LRRC4C: variants seen among roughly 807,000 people sequenced by gnomAD.
The protein encoded by LRRC4C is leucine-rich repeat-containing protein 4C.
LRRC4C carries 5 observed loss-of-function variants against 33.6 expected under a neutral mutation model. That is an observed-to-expected ratio of 0.15 (90% CI 0.08 to 0.31). The LOEUF (loss-of-function observed/expected upper bound fraction) is 0.31, where lower values mean the gene tolerates loss of function less well. LRRC4C is among the 10% of genes least tolerant of loss of function. The probability of loss-of-function intolerance (pLI) is 1.00; values close to 1 mark genes in which losing one functional copy is unlikely to be tolerated. For synonymous variants in LRRC4C, 329 were observed against 302.0 expected (o/e 1.09, Z -0.93); for missense variants, 560 against 796.7 (o/e 0.70, Z 3.58).
chr11:41,280,357 C>CAA (rs35120801), intron 1 of LRRC4C, among the ~76,000 whole-genome samples: 35,880 of 151,892 alleles, frequency 0.24, 4,999 homozygotes, highest in African/African-American at 0.39. Context: ...TAGTCCAAAC[C>CAA]AAGGAGGGAA....
chr11:40,468,929 GTTCTGTCACACATTA>G (rs1952787265), intron 3 of LRRC4C, among the ~76,000 whole-genome samples: 1 of 152,138 alleles, frequency 6.6e-6, no homozygotes, highest in African/African-American at 2.4e-5. Flanking sequence ...TAAAAAGTGT[GTTCTGTCACACATTA>G]TTCTTATCTG....
intron 3 of LRRC4C, among the ~76,000 whole-genome samples, chr11:40,609,973 A>G (rs750484896): frequency 3.3e-5 from 5 of 151,998 alleles, no homozygotes; most frequent in Admixed American, 6.6e-5. Context: ...TTAAAAAATA[A>G]TTAATGCCAA....
rs186296753 is a variant in LRRC4C, at chr11:40,943,229, A to T, written c.-495-9506T>A. 2.4e-4 allele frequency among the ~76,000 whole-genome samples: 37 copies of T among 152,316 alleles called. 1 individual carries two copies. Among genetic ancestry groups the T allele is most frequent in the Admixed American group, 2.0e-3 (30 of 15,286 alleles). ...GTACTGTTAGGTGATTTACACACTTACAACGTTTTGTTCTCACAGCATCTC... is the reference window on the plus strand; with the variant it reads ...GTACTGTTAGGTGATTTACACACTTTCAACGTTTTGTTCTCACAGCATCTC... On this transcript the variant is annotated intron_variant, in intron 1 of 6. Transcript: ENST00000528697.
intron 1 of LRRC4C, among the ~76,000 whole-genome samples, chr11:41,372,999 C>G (rs967463581): frequency 6.6e-6 from 1 of 152,042 alleles, no homozygotes; most frequent in Non-Finnish European, 1.5e-5. Flanking sequence ...AGAAAGAATA[C>G]TTTTCCATTT....
At chr11:40,592,728 C>A (rs1395991354) in intron 3 of LRRC4C, among the ~76,000 whole-genome samples, 1 of 152,280 alleles carries the variant, frequency 6.6e-6, no homozygotes, top group South Asian at 2.1e-4. Context: ...TTCCAAGACA[C>A]CCTGTCATCT....
intron 1 of LRRC4C, among the ~76,000 whole-genome samples, chr11:41,125,356 G>A (rs1016075801): frequency 1.3e-5 from 2 of 152,052 alleles, no homozygotes; most frequent in African/African-American, 4.8e-5. Context: ...AATAAAACCA[G>A]GTGGTAATCA....
chr11:40,460,415 T>C (rs964438661), intron 3 of LRRC4C, among the ~76,000 whole-genome samples: 2 of 151,564 alleles, frequency 1.3e-5, no homozygotes, highest in African/African-American at 4.8e-5. Flanking sequence ...GATAATAAAA[T>C]AGAAAAGGAG....
At chr11:41,348,072 C>T (rs1209464066) in intron 1 of LRRC4C, among the ~76,000 whole-genome samples, 2 of 152,190 alleles carry the variant, frequency 1.3e-5, no homozygotes, top group African/African-American at 2.4e-5. Flanking sequence ...TCCCTAATGA[C>T]AGAACGAAAA....
intron 5 of LRRC4C, among the ~76,000 whole-genome samples, chr11:40,194,648 A>C (rs1862107616): frequency 6.6e-6 from 1 of 152,138 alleles, no homozygotes; most frequent in South Asian, 2.1e-4. Flanking sequence ...GAGGGATAGC[A>C]TTAGGAGAAA....
chr11:40,605,673 A>ATT lies in LRRC4C; in HGVS notation c.-270+42468_-270+42469insAA, dbSNP rs1476770005. 2.9e-3 allele frequency among the ~76,000 whole-genome samples: 449 copies of ATT among 152,266 alleles called. 3 individuals carry two copies. The highest frequency in any genetic ancestry group is 9.6e-3 in the African/African-American group (401 of 41,562). ...GAATTTTGGGGTACCTGCCAAAGAA[A>ATT]CTGCATCTCAGCAGTTTCTTTCTTA... On this transcript the variant is annotated intron_variant, in intron 3 of 6. Transcript: ENST00000528697.
At chr11:40,597,984 GC>G (rs1403414171) in intron 3 of LRRC4C, among the ~76,000 whole-genome samples, 1 of 152,174 alleles carries the variant, frequency 6.6e-6, no homozygotes, top group Non-Finnish European at 1.5e-5. Flanking sequence ...AGGTTTGAAA[GC>G]CTATTTTATT....
intron 2 of LRRC4C, among the ~76,000 whole-genome samples, chr11:40,715,219 A>G (rs2136630457): frequency 6.6e-6 from 1 of 152,352 alleles, no homozygotes; most frequent in African/African-American, 2.4e-5. Context: ...ATACAAAGGA[A>G]ACTAAGTAGA....
At chr11:40,326,853 A>G (rs1211789076) in intron 3 of LRRC4C, among the ~76,000 whole-genome samples, 1 of 152,228 alleles carries the variant, frequency 6.6e-6, no homozygotes, top group Non-Finnish European at 1.5e-5. Context: ...ACCAGTGTGT[A>G]GAAAATGGAT....
At chr11:40,211,692 C>CT (rs1439597852) in intron 5 of LRRC4C, among the ~76,000 whole-genome samples, 1 of 152,112 alleles carries the variant, frequency 6.6e-6, no homozygotes, top group Non-Finnish European at 1.5e-5. Context: ...AGTTATATGA[C>CT]TAAGTTCTGG....
intron 5 of LRRC4C, among the ~76,000 whole-genome samples, chr11:40,201,358 T>C (rs1167952517): frequency 6.6e-6 from 1 of 152,208 alleles, no homozygotes; most frequent in Non-Finnish European, 1.5e-5. Context: ...TGTTTTTGTT[T>C]TTGTTTTTGT....
At chr11:40,272,339 T>C (rs763324846) in intron 4 of LRRC4C, among the ~76,000 whole-genome samples, 1 of 152,140 alleles carries the variant, frequency 6.6e-6, no homozygotes, top group Non-Finnish European at 1.5e-5. Context: ...TCTGAAAACA[T>C]AATGGGCCCA....
intron 3 of LRRC4C, among the ~76,000 whole-genome samples, chr11:40,628,667 C>T (rs1963193054): frequency 6.6e-6 from 1 of 152,100 alleles, no homozygotes; most frequent in African/African-American, 2.4e-5. Flanking sequence ...TTAGGCAACA[C>T]ATTTCAGATC....
rs145947711 is a variant in LRRC4C at position 41,120,952 on chromosome 11, C to T, written c.-495-187229G>A. On this transcript the variant is annotated intron_variant, in intron 1 of 6. Transcript: ENST00000528697. ...AAGATGTGCTTGCTTCCCCTTTGCC[C>T]TCTGTGATGATTGTAAGTTTCCTGA... Among the ~76,000 whole-genome samples, 22 of 152,186 alleles carry T rather than the reference C, an allele frequency of 1.4e-4. No individual in the cohort carries two copies. In the East Asian group the frequency reaches 4.3e-3, roughly 29 times the overall value.
intron 1 of LRRC4C, among the ~76,000 whole-genome samples, chr11:40,978,366 C>T (rs1462172290): frequency 2.6e-5 from 4 of 152,192 alleles, no homozygotes; most frequent in Non-Finnish European, 4.4e-5. Flanking sequence ...CTTGACCCTA[C>T]TCTCTGGTTC....
Sources: gnomAD v4.1 joint callset for allele counts (sites outside exome capture counted in the v4.1 genomes callset) on GRCh38, gnomAD v4.1.1 for gene constraint, MANE v1.5 for transcripts, NCBI Gene and HGNC (gene_info 2026-07-23, HGNC 2026-07-21) for gene names.